MAP1LC3B: variants seen among roughly 807,000 people sequenced by gnomAD.
MAP1LC3B encodes the protein microtubule-associated protein 1 light chain 3 beta.
Under a neutral mutation model 16.7 loss-of-function variants are expected in MAP1LC3B, and 12 were observed. The observed-to-expected ratio is 0.72, with a 90% CI of 0.46 to 1.16. MAP1LC3B has a LOEUF of 1.16. Among genes scored for constraint, MAP1LC3B ranks in the 50% most tolerant of loss-of-function variants. MAP1LC3B has a pLI of 0.00. For missense variants in MAP1LC3B, 155 were observed against 159.5 expected, an observed-to-expected ratio of 0.97 and a Z score of 0.15; for synonymous variants, 63 against 56.5, an observed-to-expected ratio of 1.11 and a Z score of -0.51.
intron 2 of MAP1LC3B, among the ~76,000 whole-genome samples, chr16:87,400,936 C>T (rs1026809845): frequency 1.3e-5 from 2 of 151,978 alleles, no homozygotes; most frequent in Admixed American, 1.3e-4. Flanking sequence ...GGTTCGAGAC[C>T]AGCCTGACCA....
chr16:87,395,647 G>A (rs936259418), intron 1 of MAP1LC3B, among the ~76,000 whole-genome samples: 6 of 152,156 alleles, frequency 3.9e-5, no homozygotes, highest in Admixed American at 2.6e-4. Context: ...GCTGGACAGC[G>A]TGCTAAGATG....
chr16:87,395,426 A>G (rs1167844167), intron 1 of MAP1LC3B, among the ~76,000 whole-genome samples: 1 of 152,226 alleles, frequency 6.6e-6, no homozygotes, highest in Non-Finnish European at 1.5e-5. Context: ...TCTGTTGAGA[A>G]AGACAAAAAC....
Position 87,404,516 on chromosome 16 carries a change from GCTAA to G in MAP1LC3B, c.*1422_*1425del, listed in dbSNP as rs757720668. The G allele has an allele frequency of 3.3e-5, 5 of 151,948 alleles. No individual in the cohort carries two copies. Among genetic ancestry groups the G allele is most frequent in the Non-Finnish European group, 7.4e-5 (5 of 68,024 alleles). The allele number at this position is 151,948 out of a possible 1,614,324, so 9.4% of individuals were successfully genotyped here. ...ACCCCCGCATGCGTCTGTCCACTTG[GCTAA>G]CTTTTAATATGTGTATTTTTACATT... On this transcript the variant is annotated 3_prime_UTR_variant, in exon 4 of 4. Transcript: ENST00000268607.
rs1215766725 is a variant in MAP1LC3B, at chr16:87,392,415, A to G, written c.-13A>G. 3 of 1,427,630 alleles carry G rather than the reference A, an allele frequency of 2.1e-6. No individual in the cohort carries two copies. The highest frequency in any genetic ancestry group is 2.7e-6 in the Non-Finnish European group (3 of 1,099,716). The allele number at this position is 1,427,630 out of a possible 1,614,324, so 88.4% of individuals were successfully genotyped here. On this transcript the variant is annotated 5_prime_UTR_variant, in exon 1 of 4. Transcript: ENST00000268607. ...CGCGTCGTCGCCGCCGCCGCCGCCC[A>G]GATCCCTGCACCATGCCGTCGGAGA...
chr16:87,395,788 G>C (rs898364937), intron 1 of MAP1LC3B, among the ~76,000 whole-genome samples: 3 of 148,870 alleles, frequency 2.0e-5, no homozygotes, highest in Non-Finnish European at 4.5e-5. Flanking sequence ...TCAGGATAAA[G>C]ATAACTTTAA....
intron 1 of MAP1LC3B, among the ~76,000 whole-genome samples, chr16:87,395,637 G>T (rs1907771336): frequency 6.6e-6 from 1 of 152,266 alleles, no homozygotes; most frequent in South Asian, 2.1e-4. Flanking sequence ...TTTCATTGCT[G>T]CTGGACAGCG....
In MAP1LC3B at chr16:87,403,341, G is replaced by A; in HGVS notation, c.*244G>A. On this transcript the variant is annotated 3_prime_UTR_variant, in exon 4 of 4. Transcript: ENST00000268607. ...GCTAGCTTGTTTTCAAATTTTAAAA[G>A]TTTAAAAATAAAATACTTTGCATTC... 2.9e-6 allele frequency: 1 copy of A among 345,646 alleles called. No homozygotes were observed. The highest frequency in any genetic ancestry group is 5.2e-5 in the East Asian group (1 of 19,348). 21.4% of individuals were successfully genotyped at this position (345,646 alleles called of 1,614,324 possible). A position where few individuals can be genotyped will look rare whatever the true frequency, so the allele number is the denominator to read the frequency against.
At chr16:87,396,551 T>G (rs1907813565) in intron 1 of MAP1LC3B, among the ~76,000 whole-genome samples, 1 of 152,146 alleles carries the variant, frequency 6.6e-6, no homozygotes, top group African/African-American at 2.4e-5. Context: ...CTTTTAAATG[T>G]GAAACATTCC....
Position 87,402,238 on chromosome 16 carries a change from G to A in MAP1LC3B, c.160G>A (p.Val54Ile), listed in dbSNP as rs1908020161. 6.2e-7 allele frequency: 1 copy of A among 1,614,024 alleles called. No individual in the cohort carries two copies. Among genetic ancestry groups the A allele is most frequent in the Non-Finnish European group, 8.5e-7 (1 of 1,180,026 alleles). Residue 54 changes from valine to isoleucine, a missense_variant, in exon 3 of 4, where the codon GTA becomes ATA. Physicochemically the swap from Val to Ile is conservative, Grantham distance 29. Coordinates refer to ENST00000268607, the MANE Select transcript of MAP1LC3B (RefSeq NM_022818.5). The stretch of plus-strand genomic sequence containing the variant: ...TGTTCTGGATAAAACAAAGTTCCTT[G>A]TACCTGACCATGTCAACATGAGTGA... ...LPVLDKTKFLVPDHVNMSELI... is the reference protein window; with the variant it reads ...LPVLDKTKFLIPDHVNMSELI...
In MAP1LC3B at chr16:87,404,336, G is replaced by T. The variant is rs1202594514; in HGVS notation, c.*1239G>T. 6.6e-6 allele frequency: 1 copy of T among 152,262 alleles called. No individual in the cohort carries two copies. The highest frequency in any genetic ancestry group is 3.4e-3 in the Middle Eastern group (1 of 294). 9.4% of individuals were successfully genotyped at this position (152,262 alleles called of 1,614,324 possible). A position where few individuals can be genotyped will look rare whatever the true frequency, so the allele number is the denominator to read the frequency against. On this transcript the variant is annotated 3_prime_UTR_variant, in exon 4 of 4. Transcript: ENST00000268607. ...ACAATTACACCACTTTAGACCCTAT[G>T]TGTAGCAGGTCACAACTTACCCTTG...
chr16:87,400,470 C>T (rs1405892917), intron 2 of MAP1LC3B, among the ~76,000 whole-genome samples: 1 of 152,110 alleles, frequency 6.6e-6, no homozygotes, highest in African/African-American at 2.4e-5. Context: ...TGAGCCACCG[C>T]ACCTGGCCTC....
intron 1 of MAP1LC3B, among the ~76,000 whole-genome samples, chr16:87,397,377 G>C (rs11117270): frequency 0.19 from 28,418 of 151,878 alleles, 3,073 homozygotes; most frequent in East Asian, 0.44. Context: ...CCAGCACTTT[G>C]GGAGGCTGAG....
chr16:87,401,990 G>T (rs1237241102), intron 2 of MAP1LC3B, among the ~76,000 whole-genome samples, 185 bp from the exon 3 acceptor site: 1 of 152,104 alleles, frequency 6.6e-6, no homozygotes, highest in Non-Finnish European at 1.5e-5. Context: ...CCGCCACCAT[G>T]CCCGGCTAAT....
At chr16:87,396,305 C>G (rs1435487397) in intron 1 of MAP1LC3B, among the ~76,000 whole-genome samples, 12 of 151,306 alleles carry the variant, frequency 7.9e-5, no homozygotes, top group Admixed American at 7.2e-4. Flanking sequence ...GAAACCCCGT[C>G]TTTACTAAAA....
At chr16:87,399,818 G>A (rs1907923862) in intron 2 of MAP1LC3B, 1 of 290,258 alleles carries the variant, frequency 3.4e-6, no homozygotes, top group South Asian at 3.0e-5. Flanking sequence ...GTGTCGCCCA[G>A]GCTGGAGTGT....
At chr16:87,393,638 C>A (rs1010072964) in intron 1 of MAP1LC3B, among the ~76,000 whole-genome samples, 3 of 152,174 alleles carry the variant, frequency 2.0e-5, no homozygotes, top group African/African-American at 7.2e-5. Flanking sequence ...AAGACTTACA[C>A]GTGCCTTTTT....
At chr16:87,399,367 G>A in intron 2 of MAP1LC3B, 1 of 269,808 alleles carries the variant, frequency 3.7e-6, no homozygotes. Flanking sequence ...AACTCAGGCA[G>A]GTGGAGCCTA....
chr16:87,403,181 G>C lies in MAP1LC3B; in HGVS notation c.*84G>C. The C allele has an allele frequency of 6.7e-7, 1 of 1,500,592 alleles. No homozygotes were observed. The highest frequency in any genetic ancestry group is 9.0e-7 in the Non-Finnish European group (1 of 1,113,602). 93.0% of individuals were successfully genotyped at this position (1,500,592 alleles called of 1,614,324 possible). A position where few individuals can be genotyped will look rare whatever the true frequency, so the allele number is the denominator to read the frequency against. On this transcript the variant is annotated 3_prime_UTR_variant, in exon 4 of 4. Transcript: ENST00000268607. ...GGATGTTACCAACTGAGATCGATCA[G>C]TTCATCCAATCACAGATCATGAAAC...
intron 1 of MAP1LC3B, among the ~76,000 whole-genome samples, chr16:87,395,328 G>T (rs925372504): frequency 2.0e-5 from 3 of 152,164 alleles, no homozygotes; most frequent in Admixed American, 2.0e-4. Flanking sequence ...TCATTCAGTT[G>T]TTGATGAACT....
Sources: gnomAD v4.1 joint callset for allele counts (sites outside exome capture counted in the v4.1 genomes callset) on GRCh38, gnomAD v4.1.1 for gene constraint, MANE v1.5 for transcripts, NCBI Gene and HGNC (gene_info 2026-07-23, HGNC 2026-07-21) for gene names.